PCM1: variants seen among roughly 807,000 people sequenced by gnomAD.
PCM1 encodes the protein pericentriolar material 1.
PCM1 carries 157 observed loss-of-function variants against 241.9 expected under a neutral mutation model. The ratio of observed to expected loss-of-function variants is 0.65; its 90% CI spans 0.57 to 0.74. The LOEUF is 0.74. Among genes scored for constraint, PCM1 ranks in the 30% least tolerant of loss-of-function variants. PCM1 has a pLI of 0.00. For missense variants in PCM1, 3,478 were observed against 2,360.1 expected (o/e 1.47, Z -9.81); for synonymous variants, 1,085 against 784.9 (o/e 1.38, Z -6.39).
At chr8:17,945,855 T>G (rs2063602649) in intron 6 of PCM1, among the ~76,000 whole-genome samples, 1 of 152,152 alleles carries the variant, frequency 6.6e-6, no homozygotes, top group Admixed American at 6.5e-5. Flanking sequence ...GAAATTTACA[T>G]AACCCGACAA....
rs895717309 is a variant in PCM1, at chr8:17,930,130, G to C, written c.-23+5350G>C. 2.0e-4 allele frequency among the ~76,000 whole-genome samples: 27 copies of C among 137,318 alleles called. No individual in the cohort carries two copies. The East Asian group carries it at 4.6e-3, about 23-fold the overall frequency. 90.1% of individuals were successfully genotyped at this position (137,318 alleles called of 152,430 possible). The stretch of plus-strand genomic sequence containing the variant: ...TTTTTTTTTTTTTTTTTGAGACAGA[G>C]TCTCGCTCTTCCGCCCAGGCCGGAG... On this transcript the variant is annotated intron_variant, in intron 2 of 38. Transcript: ENST00000325083.
chr8:17,963,422 A>C (rs766255245), intron 17 of PCM1, 131 bp downstream of exon 17: 1 of 596,084 alleles, frequency 1.7e-6, no homozygotes, highest in East Asian at 3.1e-5. Context: ...CTGTTTAACT[A>C]CCACCTTTGT....
intron 26 of PCM1, among the ~76,000 whole-genome samples, chr8:17,987,203 T>C (rs963394823): frequency 2.0e-5 from 3 of 152,042 alleles, no homozygotes; most frequent in South Asian, 2.1e-4. Flanking sequence ...TGGATTGTTA[T>C]AACTAATTGA....
chr8:17,966,282 T>A, intron 19 of PCM1, 46 bp from the exon 20 acceptor site: 1 of 1,608,626 alleles, frequency 6.2e-7, no homozygotes, highest in Non-Finnish European at 8.5e-7. Flanking sequence ...AATACAAATT[T>A]TTCTCAAGTC....
At chr8:17,989,283 T>C (rs2083670852) in intron 26 of PCM1, among the ~76,000 whole-genome samples, 1 of 151,910 alleles carries the variant, frequency 6.6e-6, no homozygotes, top group Non-Finnish European at 1.5e-5. Flanking sequence ...GTGGTGGAGA[T>C]TGACTGTAGA....
At chr8:18,026,050 G>C (rs2094170302) in intron 38 of PCM1, among the ~76,000 whole-genome samples, 1 of 150,734 alleles carries the variant, frequency 6.6e-6, no homozygotes, top group Non-Finnish European at 1.5e-5. Flanking sequence ...TGTAGTGCCA[G>C]CTACTCGGGA....
chr8:17,925,947 A>G (rs1386582203), intron 2 of PCM1: 2 of 152,128 alleles, frequency 1.3e-5, no homozygotes, highest in Admixed American at 6.5e-5. Context: ...GACTGTCATG[A>G]GAAAATACGA....
Position 17,930,764 on chromosome 8 carries a change from C to T in PCM1, c.-22-4825C>T, listed in dbSNP as rs112747636. On this transcript the variant is annotated intron_variant, in intron 2 of 38. Transcript: ENST00000325083. ...GCGTGGTGGCGGGTGCCTGTAGTCC[C>T]AGCTATTGGGGAGGCTGAGGCAGGA... Among the ~76,000 whole-genome samples, 180 of 151,960 alleles carry T rather than the reference C, an allele frequency of 1.2e-3. 1 individual carries two copies. The highest frequency in any genetic ancestry group is 4.0e-3 in the African/African-American group (167 of 41,456).
chr8:18,021,038 T>C (rs748268908), intron 36 of PCM1, among the ~76,000 whole-genome samples: 2 of 152,198 alleles, frequency 1.3e-5, no homozygotes, highest in Admixed American at 6.5e-5. Flanking sequence ...TGACAAAATA[T>C]GCATTTTGAA....
intron 30 of PCM1, among the ~76,000 whole-genome samples, chr8:18,007,403 C>A (rs370915800): frequency 3.1e-4 from 47 of 152,236 alleles, no homozygotes; most frequent in Middle Eastern, 3.4e-3. Context: ...TTAGTACTAA[C>A]AGATAATTTC....
intron 29 of PCM1, among the ~76,000 whole-genome samples, chr8:18,001,192 C>T (rs956622456): frequency 2.6e-5 from 4 of 152,104 alleles, no homozygotes; most frequent in Non-Finnish European, 5.9e-5. Context: ...TTGATGGCTG[C>T]TATGAGGTCA....
chr8:17,941,655 A>T (rs879920654), intron 6 of PCM1, among the ~76,000 whole-genome samples: 4 of 152,182 alleles, frequency 2.6e-5, no homozygotes, highest in African/African-American at 9.7e-5. Flanking sequence ...AGGAGGAGGC[A>T]TCTTTTAGTC....
chr8:18,002,951 G>C (rs188529250), intron 29 of PCM1, among the ~76,000 whole-genome samples: 1 of 152,276 alleles, frequency 6.6e-6, no homozygotes, highest in African/African-American at 2.4e-5. Flanking sequence ...TAGCACTTCT[G>C]AGGCCTTGGC....
chr8:18,025,595 G>T lies in PCM1; in HGVS notation c.5986G>T (p.Gly1996Cys). 6.3e-7 allele frequency: 1 copy of T among 1,586,218 alleles called. No individual in the cohort carries two copies. The highest frequency in any genetic ancestry group is 1.3e-5 in the African/African-American group (1 of 74,402). The change falls in exon 38 of 39, where the codon GGT becomes TGT. Residue 1996 changes from glycine (G) to cysteine (C), a missense_variant. Coordinates refer to ENST00000325083, the MANE Select transcript of PCM1 (RefSeq NM_006197.4). ...VEEEQKNHLS[G>C]EICEMQTEEL... ...AGAAGAACAGAAAAACCATTTATCT[G>T]GTGAAATATGTGAAATGCAGACCGA...
intron 4 of PCM1, among the ~76,000 whole-genome samples, chr8:17,938,158 G>A (rs558953908): frequency 1.1e-4 from 17 of 152,192 alleles, no homozygotes; most frequent in Middle Eastern, 3.4e-3. Flanking sequence ...TCCCTAATAC[G>A]AAAATCCGAA....
At chr8:17,954,093 G>A (rs946585505) in intron 9 of PCM1, among the ~76,000 whole-genome samples, 7 of 152,118 alleles carry the variant, frequency 4.6e-5, no homozygotes, top group African/African-American at 1.7e-4. Flanking sequence ...CTCCTCTAGA[G>A]TATAATCCCA....
At position 18,009,650 on chromosome 8, in the gene PCM1, T is replaced by G; in HGVS notation, c.5066T>G (p.Leu1689Arg). 1.3e-6 allele frequency: 2 copies of G among 1,584,506 alleles called. No homozygotes were observed. The highest frequency in any genetic ancestry group is 1.7e-6 in the Non-Finnish European group (2 of 1,165,636). The change falls in exon 31 of 39, where the codon CTT becomes CGT. Residue 1689 changes from leucine to arginine, a missense_variant. Leu to Arg is a moderately radical substitution (Grantham distance 102). Coordinates refer to ENST00000325083, the MANE Select transcript of PCM1 (RefSeq NM_006197.4). ...TTCAATGAATTGGCTTTCTTTAAGC[T>G]TATGCAAGATTTGGATAATAATAGT... ...VLFNELAFFKLMQDLDNNSIT... is the reference protein window; with the variant it reads ...VLFNELAFFKRMQDLDNNSIT...
At chr8:17,948,277 T>C (rs1369572791) in intron 7 of PCM1, among the ~76,000 whole-genome samples, 2 of 151,238 alleles carry the variant, frequency 1.3e-5, no homozygotes, top group African/African-American at 4.9e-5. Flanking sequence ...AGGAACGTTA[T>C]GACTTTCAAA....
At chr8:17,942,278 C>A (rs58657358) in intron 6 of PCM1, among the ~76,000 whole-genome samples, 37,114 of 151,910 alleles carry the variant, frequency 0.24, 5,811 homozygotes, top group African/African-American at 0.45. Flanking sequence ...ACCATCCTGG[C>A]CAACATGGCG....
Sources: allele counts gnomAD v4.1 joint callset (sites outside exome capture counted in the v4.1 genomes callset), GRCh38; gene constraint gnomAD v4.1.1; transcripts MANE v1.5; gene names NCBI Gene and HGNC (gene_info 2026-07-23, HGNC 2026-07-21).